PTPN13: variants seen among roughly 807,000 people sequenced by gnomAD.
The protein encoded by PTPN13 is tyrosine-protein phosphatase non-receptor type 13.
Under a neutral mutation model 284.0 loss-of-function variants are expected in PTPN13, and 191 were observed. That is an observed-to-expected ratio of 0.67 (90% CI 0.60 to 0.76). The LOEUF (loss-of-function observed/expected upper bound fraction) is 0.76, where lower values mean the gene tolerates loss of function less well. PTPN13 is among the 30% of genes least tolerant of loss of function. The pLI is 0.00. For missense variants in PTPN13, 2,797 were observed against 2,939.9 expected (o/e 0.95, Z 1.12); for synonymous variants, 986 against 1,022.3 (o/e 0.96, Z 0.68).
intron 7 of PTPN13, among the ~76,000 whole-genome samples, chr4:86,705,333 CAAA>C (rs759784072): frequency 6.3e-5 from 6 of 95,370 alleles, no homozygotes; most frequent in Non-Finnish European, 6.5e-5. Context: ...GACTCCGTCT[CAAA>C]AAAAAAAAAA....
At position 86,618,500 on chromosome 4, in the gene PTPN13, C is replaced by G. The variant is rs1019269702; in HGVS notation, c.-5-16752C>G. ...TAGCTTGATGGGGATGGCATTGAAT[C>G]TATAAATTACCTTGGGCATTATGGC... is the stretch of plus-strand genomic sequence containing the variant. On this transcript the variant is annotated intron_variant, in intron 1 of 47. Transcript: ENST00000411767. 5.3e-5 allele frequency among the ~76,000 whole-genome samples: 8 copies of G among 152,156 alleles called. No homozygotes were observed. In the South Asian group the frequency reaches 8.3e-4, roughly 16 times the overall value.
intron 40 of PTPN13, among the ~76,000 whole-genome samples, chr4:86,796,203 G>T (rs549340617): frequency 6.6e-6 from 1 of 152,222 alleles, no homozygotes; most frequent in African/African-American, 2.4e-5. Flanking sequence ...AAACTACTAA[G>T]ATTTTCTTGA....
At position 86,762,885 on chromosome 4, in the gene PTPN13, G is replaced by A; in HGVS notation, c.3712G>A (p.Gly1238Ser). The stretch of plus-strand genomic sequence containing the variant: ...GGAGAACTCCTTTGGGCCATCTGGG[G>A]GCCTGCGGGAAGGAAGCCTGAGTTC... ...ISENSFGPSGGLREGSLSSQD... is the reference protein window; with the variant it reads ...ISENSFGPSGSLREGSLSSQD... Residue 1238 changes from glycine (G) to serine (S), a missense_variant, in exon 24 of 48, where the codon GGC becomes AGC. Gly to Ser is a moderately conservative substitution (Grantham distance 56). Transcript: ENST00000411767. 1 of 1,613,802 alleles carries A rather than the reference G, an allele frequency of 6.2e-7. No individual in the cohort carries two copies. Among genetic ancestry groups the A allele is most frequent in the Non-Finnish European group, 8.5e-7 (1 of 1,179,842 alleles).
At chr4:86,717,408 C>T (rs1265152407) in intron 9 of PTPN13, among the ~76,000 whole-genome samples, 2 of 151,950 alleles carry the variant, frequency 1.3e-5, no homozygotes, top group South Asian at 2.1e-4. Flanking sequence ...AGGCTGGTCT[C>T]GAACTCCTGA....
intron 2 of PTPN13, among the ~76,000 whole-genome samples, chr4:86,648,496 T>G (rs933449870): frequency 6.6e-6 from 1 of 152,196 alleles, no homozygotes; most frequent in East Asian, 1.9e-4. Flanking sequence ...TTTCTGTACC[T>G]GGCTTGTTTC....
Position 86,814,483 on chromosome 4 carries a change from A to G in PTPN13, c.7390A>G (p.Ile2464Val). The G allele has an allele frequency of 6.2e-7, 1 of 1,612,442 alleles. No homozygotes were observed. Among genetic ancestry groups the G allele is most frequent in the South Asian group, 1.1e-5 (1 of 91,008 alleles). Residue 2464 changes from isoleucine to valine, a missense_variant, in exon 48 of 48, where the codon ATC becomes GTC. Physicochemically the swap from Ile to Val is conservative, Grantham distance 29. Coordinates refer to ENST00000411767, the MANE Select transcript of PTPN13 (RefSeq NM_080683.3). Reference protein sequence around the residue: ...EDQYIFCYQVILYVLTRLQAE... With the variant: ...EDQYIFCYQVVLYVLTRLQAE... ...TCAATATATTTTCTGCTATCAAGTC[A>G]TCCTTTATGTCCTGACACGTCTTCA...
At chr4:86,769,713 T>C (rs1186635523) in intron 28 of PTPN13, 56 bp from the exon 29 acceptor site, 22 of 1,139,954 alleles carry the variant, frequency 1.9e-5, no homozygotes, top group Non-Finnish European at 2.7e-5. Context: ...TGTATGTTCC[T>C]ATGTAAACAC....
chr4:86,784,644 G>T, intron 38 of PTPN13, 86 bp downstream of exon 38: 3 of 809,030 alleles, frequency 3.7e-6, no homozygotes, highest in Non-Finnish European at 4.0e-6. Context: ...TCTTTTCTTT[G>T]CTTTATATGT....
intron 1 of PTPN13, among the ~76,000 whole-genome samples, chr4:86,600,432 C>CTTTTTTTTT (rs10588960): frequency 6.0e-5 from 3 of 50,414 alleles, no homozygotes; most frequent in Non-Finnish European, 1.1e-4. Flanking sequence ...TACATAACCA[C>CTTTTTTTTT]TTTTTTTTTT....
intron 1 of PTPN13, among the ~76,000 whole-genome samples, chr4:86,633,501 C>T (rs1221998684): frequency 6.6e-6 from 1 of 152,180 alleles, no homozygotes; most frequent in Non-Finnish European, 1.5e-5. Flanking sequence ...AGGAAGGCAC[C>T]TTTCCACATC....
chr4:86,608,213 T>G (rs1487581772), intron 1 of PTPN13, among the ~76,000 whole-genome samples: 1 of 152,084 alleles, frequency 6.6e-6, no homozygotes, highest in Non-Finnish European at 1.5e-5. Flanking sequence ...TTATAAAGAT[T>G]TGTATAGGGA....
chr4:86,629,185 C>T (rs1406670237), intron 1 of PTPN13, among the ~76,000 whole-genome samples: 217 of 147,454 alleles, frequency 1.5e-3, no homozygotes, highest in African/African-American at 5.3e-3. Flanking sequence ...AGAAAATTTT[C>T]GCAACCTACT....
chr4:86,686,142 A>G (rs1484927651), intron 3 of PTPN13, among the ~76,000 whole-genome samples: 1 of 152,134 alleles, frequency 6.6e-6, no homozygotes, highest in African/African-American at 2.4e-5. Context: ...CGGACAGATT[A>G]CCTGAGGTCA....
intron 21 of PTPN13, 132 bp downstream of exon 21, chr4:86,758,481 GCC>G: frequency 2.2e-6 from 2 of 924,276 alleles, no homozygotes; most frequent in Non-Finnish European, 3.3e-6. Flanking sequence ...CCACCTACAA[GCC>G]CATCAACCTA....
intron 42 of PTPN13, among the ~76,000 whole-genome samples, chr4:86,800,105 T>C (rs1024660473): frequency 1.3e-5 from 2 of 152,090 alleles, no homozygotes; most frequent in Admixed American, 1.3e-4. Flanking sequence ...CCCAAAGTGC[T>C]GGGATTACAG....
rs541272713 is a variant in PTPN13, at chr4:86,689,684, A to T, written c.546+494A>T. ...ACACTGCTACCTAGTGTATCCAGGG[A>T]ATCCATGCTTGTATCCCTGCCAGAT... On this transcript the variant is annotated intron_variant, in intron 5 of 47. Transcript: ENST00000411767. 4 of 702,454 alleles carry T rather than the reference A, an allele frequency of 5.7e-6. No individual in the cohort carries two copies. In the African/African-American group the frequency reaches 7.0e-5, roughly 12 times the overall value. The allele number at this position is 702,454 out of a possible 1,614,324, so 43.5% of individuals were successfully genotyped here.
At chr4:86,625,946 A>G (rs1721786811) in intron 1 of PTPN13, among the ~76,000 whole-genome samples, 1 of 152,202 alleles carries the variant, frequency 6.6e-6, no homozygotes, top group African/African-American at 2.4e-5. Context: ...TATGTAATTT[A>G]GGAAGATCAG....
chr4:86,695,628 T>C (rs1730517811), intron 6 of PTPN13, among the ~76,000 whole-genome samples: 1 of 152,014 alleles, frequency 6.6e-6, no homozygotes, highest in Non-Finnish European at 1.5e-5. Context: ...TTCTTACTTA[T>C]CTTTTTCTAT....
intron 7 of PTPN13, among the ~76,000 whole-genome samples, chr4:86,705,061 C>T (rs902165166): frequency 5.9e-5 from 9 of 152,182 alleles, no homozygotes; most frequent in East Asian, 5.8e-4. Flanking sequence ...CAAGGCTGGG[C>T]GCGGTGGCTG....
Sources: gnomAD v4.1 joint callset for allele counts (sites outside exome capture counted in the v4.1 genomes callset) on GRCh38, gnomAD v4.1.1 for gene constraint, MANE v1.5 for transcripts, NCBI Gene and HGNC (gene_info 2026-07-23, HGNC 2026-07-21) for gene names.